CACNA2D4: variants seen among roughly 807,000 people sequenced by gnomAD.
The protein encoded by CACNA2D4 is voltage-dependent calcium channel subunit alpha-2/delta-4.
Under a neutral mutation model 163.8 loss-of-function variants are expected in CACNA2D4, and 157 were observed. The observed-to-expected ratio is 0.96, with a 90% CI of 0.84 to 1.09. The LOEUF is 1.09. CACNA2D4 is among the 50% of genes least tolerant of loss of function. The pLI is 0.00. For missense variants in CACNA2D4, 1,410 were observed against 1,479.9 expected (o/e 0.95, Z 0.78); for synonymous variants, 598 against 586.9 (o/e 1.02, Z -0.27).
chr12:1,848,320 T>C (rs1243569785), intron 23 of CACNA2D4, among the ~76,000 whole-genome samples: 5 of 152,196 alleles, frequency 3.3e-5, no homozygotes, highest in African/African-American at 4.8e-5. Flanking sequence ...GTGGGGATTC[T>C]CCGGTTCTGG....
chr12:1,844,009 C>T lies in CACNA2D4; in HGVS notation c.2470+393G>A, dbSNP rs578259513. Among the ~76,000 whole-genome samples, 17 of 152,314 alleles carry T rather than the reference C, an allele frequency of 1.1e-4. 2 individuals are homozygous for T. The South Asian group carries it at 2.5e-3, about 22-fold the overall frequency. On this transcript the variant is annotated intron_variant, in intron 25 of 37. Coordinates refer to ENST00000382722, the MANE Select transcript of CACNA2D4 (RefSeq NM_172364.5). The surrounding 1 kb of genome is among the most constrained non-coding windows in gnomAD (Gnocchi z 4.2). Reference sequence around the variant, plus strand: ...AGCCCCACTGACTTAGTGAGTACTGCAGCCCCTAATGAAACCACCCGTCTG... The same window carrying T: ...AGCCCCACTGACTTAGTGAGTACTGTAGCCCCTAATGAAACCACCCGTCTG...
intron 26 of CACNA2D4, among the ~76,000 whole-genome samples, chr12:1,838,752 C>T (rs1421162013): frequency 3.3e-5 from 5 of 152,182 alleles, no homozygotes; most frequent in African/African-American, 7.2e-5. Flanking sequence ...CTGTCCCATC[C>T]TTCCTAGACC....
At chr12:1,855,675 A>T (rs1031492181) in intron 22 of CACNA2D4, among the ~76,000 whole-genome samples, 3 of 152,206 alleles carry the variant, frequency 2.0e-5, no homozygotes, top group African/African-American at 7.2e-5. Flanking sequence ...CCACTTCTAG[A>T]CAGTGGTAGG....
In CACNA2D4 at chr12:1,858,641, C is replaced by G. The variant is rs1865454657; in HGVS notation, c.1944G>C (p.Leu648Phe). ...FTDISDTPFSLGVVLSRGHGE... is the reference protein window; with the variant it reads ...FTDISDTPFSFGVVLSRGHGE... The stretch of plus-strand genomic sequence containing the variant: ...CGTGGCCCCGGGACAGCACCACCCC[C>G]AAACTGTGGGGAGAGAAGAGAAGGC... Residue 648 changes from leucine (L) to phenylalanine (F), a missense_variant, in exon 20 of 38, where the codon TTG (leucine) becomes TTC (phenylalanine). Transcript: ENST00000382722. 9 of 1,600,148 alleles carry G rather than the reference C, an allele frequency of 5.6e-6. No homozygotes were observed. The highest frequency in any genetic ancestry group is 7.7e-6 in the Non-Finnish European group (9 of 1,172,696).
chr12:1,903,053 T>G (rs988847293), intron 6 of CACNA2D4, among the ~76,000 whole-genome samples: 4 of 152,020 alleles, frequency 2.6e-5, no homozygotes, highest in African/African-American at 4.8e-5. Flanking sequence ...AGTGCAGAAA[T>G]GAATCCATAC....
Position 1,917,910 on chromosome 12 carries a change from C to T in CACNA2D4, c.227+337G>A, listed in dbSNP as rs1867032423. 7.4e-6 allele frequency: 2 copies of T among 268,916 alleles called. No individual in the cohort carries two copies. Among genetic ancestry groups the T allele is most frequent in the South Asian group, 4.6e-5 (1 of 21,514 alleles). The allele number at this position is 268,916 out of a possible 1,614,324, so 16.7% of individuals were successfully genotyped here. A position where few individuals can be genotyped will look rare whatever the true frequency, so the allele number is the denominator to read the frequency against. ...GCTCCTCCAGGCTGCCTCATCTCAGCGATTATCCTGAAGGAGCACCCGCCC... is the reference window on the plus strand; with the variant it reads ...GCTCCTCCAGGCTGCCTCATCTCAGTGATTATCCTGAAGGAGCACCCGCCC... On this transcript the variant is annotated intron_variant, in intron 1 of 37. Coordinates refer to ENST00000382722, the MANE Select transcript of CACNA2D4 (RefSeq NM_172364.5). The surrounding 1 kb of genome is among the most constrained non-coding windows in gnomAD (Gnocchi z 4.3).
At position 1,806,123 on chromosome 12, in the gene CACNA2D4, C is replaced by G. The variant is rs1239052615; in HGVS notation, c.2721+4155G>C. Among the ~76,000 whole-genome samples, 1 of 152,204 alleles carries G rather than the reference C, an allele frequency of 6.6e-6. No homozygotes were observed. Among genetic ancestry groups the G allele is most frequent in the African/African-American group, 2.4e-5 (1 of 41,444 alleles). ...CCTCGGATTTTCTAGGCTGCAGTTG[C>G]TGCCCCTTGAAGATCCACTTTGAAG... is the stretch of plus-strand genomic sequence containing the variant. On this transcript the variant is annotated intron_variant, in intron 29 of 37. Coordinates refer to ENST00000382722, the MANE Select transcript of CACNA2D4 (RefSeq NM_172364.5). The surrounding 1 kb of genome is among the most constrained non-coding windows in gnomAD (Gnocchi z 4.1).
At position 1,878,983 on chromosome 12, in the gene CACNA2D4, C is replaced by G. The variant is rs767999612; in HGVS notation, c.1617G>C (p.Glu539Asp). 2.2e-5 allele frequency: 36 copies of G among 1,613,788 alleles called. No individual in the cohort carries two copies. Among genetic ancestry groups the G allele is most frequent in the Non-Finnish European group, 3.1e-5 (36 of 1,179,860 alleles). The change falls in exon 15 of 38, where the codon GAG (glutamate) becomes GAC (aspartate). Residue 539 changes from glutamate to aspartate, a missense_variant. Transcript: ENST00000382722. This position sits in a 1 kb window ranked among gnomAD's most constrained non-coding sequence, Gnocchi z 4.6. ...GVVGSDVALR[E>D]LMKLAPRYKL... is the part of the protein sequence containing the mutation. ...TGTACCGGGGCGCCAGCTTCATCAG[C>G]TCTCTCAGGGCCACATCTGAGCCCA...
chr12:1,830,972 C>A (rs778801268), intron 26 of CACNA2D4: 17 of 1,612,908 alleles, frequency 1.1e-5, no homozygotes, highest in Non-Finnish European at 1.4e-5. Context: ...CTGTGGAGGC[C>A]CTCCCCACCT....
At chr12:1,906,738 G>A (rs1325530242) in intron 6 of CACNA2D4, among the ~76,000 whole-genome samples, 1 of 152,228 alleles carries the variant, frequency 6.6e-6, no homozygotes, top group South Asian at 2.1e-4. Flanking sequence ...GGAACACAAT[G>A]CCAACTATGG....
At chr12:1,846,246 C>G (rs183269002) in intron 24 of CACNA2D4, among the ~76,000 whole-genome samples, 40 of 152,312 alleles carry the variant, frequency 2.6e-4, no homozygotes, top group African/African-American at 9.4e-4. Flanking sequence ...TTAGAGATTC[C>G]TCTAGGTGGA....
At chr12:1,904,116 C>T (rs1866600205) in intron 6 of CACNA2D4, among the ~76,000 whole-genome samples, 2 of 151,980 alleles carry the variant, frequency 1.3e-5, no homozygotes, top group Admixed American at 6.6e-5. Flanking sequence ...TGAAATAAGT[C>T]AGGTACATAA....
At chr12:1,824,161 G>A (rs1192883491) in intron 26 of CACNA2D4, among the ~76,000 whole-genome samples, 2 of 152,172 alleles carry the variant, frequency 1.3e-5, no homozygotes, top group African/African-American at 4.8e-5. Flanking sequence ...GGTCCTGGAG[G>A]CTCAGGGACA....
rs80195366 is a variant in CACNA2D4 at position 1,829,284 on chromosome 12, C to G, written c.2551+11455G>C. On this transcript the variant is annotated intron_variant, in intron 26 of 37. Coordinates refer to ENST00000382722, the MANE Select transcript of CACNA2D4 (RefSeq NM_172364.5). This position sits in a 1 kb window ranked among gnomAD's most constrained non-coding sequence, Gnocchi z 4.2. ...GATCCTTTTGAGAGGGAGCTGAATG[C>G]GTTGGATTTTATTTCCTGGGGAAAG... is the stretch of plus-strand genomic sequence containing the variant. 0.011 allele frequency among the ~76,000 whole-genome samples: 1,729 copies of G among 152,164 alleles called. 30 individuals are homozygous for G. Among genetic ancestry groups the G allele is most frequent in the African/African-American group, 0.039 (1,628 of 41,508 alleles).
chr12:1,876,755 G>A (rs1335094350), intron 16 of CACNA2D4, among the ~76,000 whole-genome samples: 3 of 152,054 alleles, frequency 2.0e-5, no homozygotes, highest in African/African-American at 7.2e-5. Flanking sequence ...TCATCAAACA[G>A]CCCTGTCCTG....
At chr12:1,831,214 C>A in intron 26 of CACNA2D4, 1 of 1,613,844 alleles carries the variant, frequency 6.2e-7, no homozygotes, top group Non-Finnish European at 8.5e-7. Context: ...GGGGACCTGA[C>A]GAATCTGACT....
chr12:1,887,901 T>C (rs1866188045), intron 6 of CACNA2D4, among the ~76,000 whole-genome samples: 1 of 152,184 alleles, frequency 6.6e-6, no homozygotes, highest in Admixed American at 6.5e-5. Context: ...CCCTTCCTCC[T>C]CCACAGTGGT....
rs2154445385 is a variant in CACNA2D4, at chr12:1,802,206, G to T, written c.2722-562C>A. 6.6e-6 allele frequency among the ~76,000 whole-genome samples: 1 copy of T among 152,150 alleles called. No individual in the cohort carries two copies. Among genetic ancestry groups the T allele is most frequent in the Admixed American group, 6.5e-5 (1 of 15,270 alleles). On this transcript the variant is annotated intron_variant, in intron 29 of 37. Coordinates refer to ENST00000382722, the MANE Select transcript of CACNA2D4 (RefSeq NM_172364.5). The surrounding 1 kb of genome is among the most constrained non-coding windows in gnomAD (Gnocchi z 4.7). Reference sequence around the variant, plus strand: ...TCACCTCCCACAATCAGTGTGCCCTGTGGATCGGTCATTTGTCCCCTCCAT... The same window carrying T: ...TCACCTCCCACAATCAGTGTGCCCTTTGGATCGGTCATTTGTCCCCTCCAT...
At chr12:1,901,649 C>A (rs943003120) in intron 6 of CACNA2D4, among the ~76,000 whole-genome samples, 3 of 151,916 alleles carry the variant, frequency 2.0e-5, no homozygotes, top group African/African-American at 7.3e-5. Context: ...ATGAAGAAAT[C>A]CAAAACCTGA....
Sources: allele counts gnomAD v4.1 joint callset (sites outside exome capture counted in the v4.1 genomes callset), GRCh38; gene constraint gnomAD v4.1.1; non-coding constraint Gnocchi (gnomAD v3.1); transcripts MANE v1.5; gene names NCBI Gene and HGNC (gene_info 2026-07-23, HGNC 2026-07-21).